TMEM114: variants seen among roughly 807,000 people sequenced by gnomAD.
The protein encoded by TMEM114 is claudin-26.
A neutral mutation model predicts 6.2 loss-of-function variants in TMEM114; 6 were observed. The observed-to-expected ratio is 0.97, with a 90% CI of 0.53 to 1.91. TMEM114 has a LOEUF of 1.91. Among genes scored for constraint, TMEM114 ranks in the 40% most tolerant of loss-of-function variants. TMEM114 has a pLI of 0.01. For synonymous variants in TMEM114, 104 were observed against 73.0 expected, an observed-to-expected ratio of 1.42 and a Z score of -2.16; for missense variants, 218 against 158.3, an observed-to-expected ratio of 1.38 and a Z score of -2.02.
intron 2 of TMEM114, among the ~76,000 whole-genome samples, chr16:8,538,666 C>T (rs577254046): frequency 6.6e-6 from 1 of 152,226 alleles, no homozygotes; most frequent in South Asian, 2.1e-4. Flanking sequence ...CGCCACCACG[C>T]CCAGCTAATT....
At chr16:8,531,074 A>G in the TMEM114 span, among the ~76,000 whole-genome samples, 1 of 152,150 alleles carries the variant, frequency 6.6e-6, no homozygotes, top group African/African-American at 2.4e-5. Flanking sequence ...GAGTGAGGAA[A>G]AAAAGGGAGG....
downstream of TMEM114, among the ~76,000 whole-genome samples, chr16:8,535,331 T>C (rs998344351): frequency 6.6e-6 from 1 of 152,168 alleles, no homozygotes; most frequent in African/African-American, 2.4e-5. Context: ...AGCCCTGAGA[T>C]AGCAGATAAA....
chr16:8,533,968 G>T (rs1431527122), downstream of TMEM114, among the ~76,000 whole-genome samples: 2 of 152,152 alleles, frequency 1.3e-5, no homozygotes, highest in Non-Finnish European at 2.9e-5. Context: ...ACCACGAAAG[G>T]CAACCCTTCT....
At chr16:8,565,928 C>T (rs760048898), downstream of TMEM114, among the ~76,000 whole-genome samples, 3 of 152,128 alleles carry the variant, frequency 2.0e-5, no homozygotes, top group Non-Finnish European at 4.4e-5. Context: ...GTCTTAAAGG[C>T]ATATCACTCT....
At chr16:8,548,604 C>G (rs952595372) in intron 2 of TMEM114, among the ~76,000 whole-genome samples, 3 of 151,566 alleles carry the variant, frequency 2.0e-5, no homozygotes, top group Non-Finnish European at 4.4e-5. Flanking sequence ...TTTTCACCCC[C>G]TAAGAGCAAA....
intron 2 of TMEM114, among the ~76,000 whole-genome samples, chr16:8,564,137 ATGAG>A (rs1220195791): frequency 1.4e-5 from 2 of 148,040 alleles, no homozygotes; most frequent in Non-Finnish European, 3.0e-5. Flanking sequence ...GAGTTAGTGA[ATGAG>A]TGAGTGAATG....
intron 2 of TMEM114, among the ~76,000 whole-genome samples, chr16:8,554,459 T>C (rs1900944424): frequency 6.6e-6 from 1 of 152,126 alleles, no homozygotes; most frequent in South Asian, 2.1e-4. Context: ...AGAGAGAATC[T>C]CCTTCTTGAC....
chr16:8,587,624 G>A (rs1902356638), intron 2 of TMEM114, among the ~76,000 whole-genome samples: 1 of 152,234 alleles, frequency 6.6e-6, no homozygotes, highest in Non-Finnish European at 1.5e-5. Flanking sequence ...TGGGGCTGGA[G>A]AGGGACCCTA....
At chr16:8,553,065 T>G (rs555284407) in intron 2 of TMEM114, among the ~76,000 whole-genome samples, 1 of 152,296 alleles carries the variant, frequency 6.6e-6, no homozygotes, top group South Asian at 2.1e-4. Context: ...TCTTCCGACT[T>G]CTCATCCTCC....
intron 2 of TMEM114, among the ~76,000 whole-genome samples, chr16:8,552,367 G>C (rs918321509): frequency 6.6e-6 from 1 of 151,954 alleles, no homozygotes; most frequent in African/African-American, 2.4e-5. Context: ...CTGAACCACA[G>C]AGTGAGACTC....
intron 3 of TMEM114, among the ~76,000 whole-genome samples, chr16:8,570,373 C>T (rs963362403): frequency 3.3e-5 from 5 of 152,010 alleles, no homozygotes; most frequent in African/African-American, 1.2e-4. Flanking sequence ...TGGAGTGCAG[C>T]GGTGCGATCT....
At chr16:8,533,026 C>A (rs559823286), downstream of TMEM114, among the ~76,000 whole-genome samples, 19 of 152,300 alleles carry the variant, frequency 1.2e-4, no homozygotes, top group Non-Finnish European at 1.9e-4. Flanking sequence ...GTAGGGATAT[C>A]ATGATGAACA....
chr16:8,529,059 G>C, the TMEM114 span, among the ~76,000 whole-genome samples: 1 of 152,210 alleles, frequency 6.6e-6, no homozygotes. Context: ...TCAGAAGAGG[G>C]CTTTAGAGAA....
At chr16:8,588,802 A>T (rs1259272873) in intron 2 of TMEM114, among the ~76,000 whole-genome samples, 1 of 152,218 alleles carries the variant, frequency 6.6e-6, no homozygotes, top group African/African-American at 2.4e-5. Context: ...CTGTGGAATG[A>T]GACCTCTCTT....
At chr16:8,566,771 G>T (rs539588103), downstream of TMEM114, among the ~76,000 whole-genome samples, 1 of 152,036 alleles carries the variant, frequency 6.6e-6, no homozygotes, top group Non-Finnish European at 1.5e-5. Context: ...TGCCTGGTCT[G>T]CAGTTTCCCT....
intron 2 of TMEM114, among the ~76,000 whole-genome samples, chr16:8,541,815 A>G (rs1318494159): frequency 6.6e-6 from 1 of 152,144 alleles, no homozygotes; most frequent in Admixed American, 6.6e-5. Context: ...CCACTTGGGA[A>G]CTGGGAAGAT....
intron 2 of TMEM114, among the ~76,000 whole-genome samples, chr16:8,562,021 T>G (rs2141670516): frequency 6.7e-6 from 1 of 148,788 alleles, no homozygotes; most frequent in South Asian, 2.1e-4. Context: ...ACTGAATGTG[T>G]GAGTGAATGA....
rs572837641 is a variant in TMEM114 at position 8,554,010 on chromosome 16, C to T, written n.213-16184G>A. The stretch of plus-strand genomic sequence containing the variant: ...TCTCATGTGTCAGCCGCCTGAATAG[C>T]TGGGATTACAGGCATGCGCCACCAC... On this transcript the variant is annotated intron_variant and non_coding_transcript_variant, in intron 2 of 2. Transcript: ENST00000623677. 2.1e-4 allele frequency among the ~76,000 whole-genome samples: 32 copies of T among 152,078 alleles called. 1 individual carries two copies. The South Asian group carries it at 2.7e-3, about 13-fold the overall frequency.
downstream of TMEM114, among the ~76,000 whole-genome samples, chr16:8,564,537 GTGAA>G (rs1220012317): frequency 7.2e-3 from 745 of 103,514 alleles, 19 homozygotes; most frequent in Middle Eastern, 0.022. Context: ...GAGGGAATGA[GTGAA>G]TGAGTCAGGG....
Sources: allele counts gnomAD v4.1 joint callset (sites outside exome capture counted in the v4.1 genomes callset), GRCh38; gene constraint gnomAD v4.1.1; transcripts MANE v1.5; gene names NCBI Gene and HGNC (gene_info 2026-07-23, HGNC 2026-07-21).